ENOX1: variants seen among roughly 807,000 people sequenced by gnomAD.
ENOX1 encodes ecto-NOX disulfide-thiol exchanger 1.
ENOX1 carries 42 observed loss-of-function variants against 82.5 expected under a neutral mutation model. The observed-to-expected ratio is 0.51, with a 90% CI of 0.40 to 0.66. ENOX1 has a LOEUF of 0.66. ENOX1 is among the 30% of genes least tolerant of loss of function. The probability of loss-of-function intolerance (pLI) is 0.00; values close to 1 mark genes in which losing one functional copy is unlikely to be tolerated. For synonymous variants in ENOX1, 271 were observed against 282.2 expected, an observed-to-expected ratio of 0.96 and a Z score of 0.40; for missense variants, 608 against 811.6, an observed-to-expected ratio of 0.75 and a Z score of 3.05.
intron 1 of ENOX1, among the ~76,000 whole-genome samples, chr13:43,772,760 A>AAC (rs1473600166): frequency 6.6e-6 from 1 of 151,560 alleles, no homozygotes; most frequent in African/African-American, 2.4e-5. Context: ...AAAAAAAAAA[A>AAC]AAAAAAAAAA....
At chr13:43,304,704 T>C (rs1234083486) in intron 11 of ENOX1, among the ~76,000 whole-genome samples, 3 of 152,202 alleles carry the variant, frequency 2.0e-5, no homozygotes, top group African/African-American at 7.2e-5. Flanking sequence ...TCTTGAGGCC[T>C]GGCTGGAACC....
At chr13:43,719,302 T>TACACACACAC (rs3024232) in intron 1 of ENOX1, among the ~76,000 whole-genome samples, 4,208 of 126,698 alleles carry the variant, frequency 0.033, 95 homozygotes, top group Middle Eastern at 0.07. Context: ...TTCATTCAAA[T>TACACACACAC]ACACACACAC....
At chr13:43,555,820 C>T (rs1482709579) in intron 2 of ENOX1, among the ~76,000 whole-genome samples, 1 of 152,168 alleles carries the variant, frequency 6.6e-6, no homozygotes, top group Non-Finnish European at 1.5e-5. Context: ...AAGAACACTG[C>T]TACTCTCTGG....
intron 2 of ENOX1, among the ~76,000 whole-genome samples, chr13:43,496,776 A>C (rs1288237799): frequency 6.6e-6 from 1 of 152,130 alleles, no homozygotes. Flanking sequence ...TCATGATAAC[A>C]TATTCTGTTC....
intron 2 of ENOX1, among the ~76,000 whole-genome samples, chr13:43,582,222 A>C (rs1254145300): frequency 6.6e-6 from 1 of 152,172 alleles, no homozygotes; most frequent in Non-Finnish European, 1.5e-5. Flanking sequence ...GAAAAAAATT[A>C]ATAACATGCA....
rs890160777 is a variant in ENOX1 at position 43,453,004 on chromosome 13, A to G, written c.-75+31005T>C. On this transcript the variant is annotated intron_variant, in intron 3 of 16. Transcript: ENST00000690772. ...GTGGTATAAAGCCTGATTAAATAGAAAGAAACCTGAACTAAGCATGGGAAG... is the reference window on the plus strand; with the variant it reads ...GTGGTATAAAGCCTGATTAAATAGAGAGAAACCTGAACTAAGCATGGGAAG... Among the ~76,000 whole-genome samples the G allele has an allele frequency of 4.6e-5, 7 of 152,326 alleles. No homozygotes were observed. In the East Asian group the frequency reaches 5.8e-4, roughly 13 times the overall value.
At chr13:43,551,321 C>T (rs2079186698) in intron 2 of ENOX1, among the ~76,000 whole-genome samples, 1 of 151,990 alleles carries the variant, frequency 6.6e-6, no homozygotes, top group Non-Finnish European at 1.5e-5. Flanking sequence ...TGATGTATCA[C>T]ATCTATTGAC....
At chr13:43,333,815 G>T (rs914004129) in intron 9 of ENOX1, among the ~76,000 whole-genome samples, 1 of 152,326 alleles carries the variant, frequency 6.6e-6, no homozygotes, top group South Asian at 2.1e-4. Flanking sequence ...TAGAGACGGG[G>T]TTTCACCCCG....
rs117552553 is a variant in ENOX1 at position 43,691,123 on chromosome 13, C to T, written c.-284-23579G>A. On this transcript the variant is annotated intron_variant, in intron 1 of 16. Transcript: ENST00000690772. ...ACAAAGTCAACCCTGCCATCTCCTTCTCTTCACAAGACAATCTTGTCTCCT... is the reference window on the plus strand; with the variant it reads ...ACAAAGTCAACCCTGCCATCTCCTTTTCTTCACAAGACAATCTTGTCTCCT... Among the ~76,000 whole-genome samples, 134 of 152,306 alleles carry T rather than the reference C, an allele frequency of 8.8e-4. 1 individual carries two copies. The highest frequency in any genetic ancestry group is 1.5e-3 in the Non-Finnish European group (100 of 68,026).
chr13:43,431,365 C>T (rs558973858), intron 3 of ENOX1, among the ~76,000 whole-genome samples: 2 of 152,148 alleles, frequency 1.3e-5, no homozygotes, highest in Admixed American at 6.5e-5. Context: ...CAGGTAACTG[C>T]GCAACCACCC....
intron 1 of ENOX1, among the ~76,000 whole-genome samples, chr13:43,676,231 A>G (rs2085501452): frequency 6.6e-6 from 1 of 152,166 alleles, no homozygotes; most frequent in Non-Finnish European, 1.5e-5. Flanking sequence ...AAAAGACAAA[A>G]ACACTAGAAC....
In ENOX1 at chr13:43,638,594, AT is replaced by A. The variant is rs952850625; in HGVS notation, c.-219+28884del. Among the ~76,000 whole-genome samples the A allele has an allele frequency of 9.2e-5, 14 of 152,282 alleles. No homozygotes were observed. In the East Asian group the frequency reaches 2.3e-3, roughly 25 times the overall value. ...AAAGGTAACAGAACCAAACAGCTGG[AT>A]TTTTAAAATATCCATGTGTCTCCCA... On this transcript the variant is annotated intron_variant, in intron 2 of 16. Coordinates refer to ENST00000690772, the MANE Select transcript of ENOX1 (RefSeq NM_001347969.2).
chr13:43,533,626 A>C (rs1238192269), intron 2 of ENOX1, among the ~76,000 whole-genome samples: 1 of 152,094 alleles, frequency 6.6e-6, no homozygotes, highest in Non-Finnish European at 1.5e-5. Context: ...GATTACTTAC[A>C]CTAATTAATT....
chr13:43,362,183 ACACACACT>A (rs2050566283), intron 5 of ENOX1, among the ~76,000 whole-genome samples: 1 of 146,608 alleles, frequency 6.8e-6, no homozygotes, highest in Non-Finnish European at 1.5e-5. Flanking sequence ...ACACACACAC[ACACACACT>A]TGAAAATAGA....
chr13:43,438,171 T>C (rs2056146442), intron 3 of ENOX1, among the ~76,000 whole-genome samples: 1 of 152,286 alleles, frequency 6.6e-6, no homozygotes, highest in South Asian at 2.1e-4. Context: ...CTACAGGCAA[T>C]GGAGACCAAA....
chr13:43,586,531 G>A (rs1047169074), intron 2 of ENOX1, among the ~76,000 whole-genome samples: 4 of 152,178 alleles, frequency 2.6e-5, no homozygotes, highest in African/African-American at 7.2e-5. Flanking sequence ...CTTGAGGGCT[G>A]GGACCTCTCT....
intron 1 of ENOX1, among the ~76,000 whole-genome samples, chr13:43,733,623 T>C (rs1465591856): frequency 6.6e-6 from 1 of 152,294 alleles, no homozygotes; most frequent in South Asian, 2.1e-4. Flanking sequence ...TTTCCAAATA[T>C]ACCCTGTTCA....
chr13:43,483,233 C>T (rs1162523443), intron 3 of ENOX1, among the ~76,000 whole-genome samples: 1 of 152,166 alleles, frequency 6.6e-6, no homozygotes, highest in Non-Finnish European at 1.5e-5. Context: ...TGTACCAAGC[C>T]TTATCCTATA....
chr13:43,453,870 G>C (rs961653249), intron 3 of ENOX1, among the ~76,000 whole-genome samples: 3 of 152,200 alleles, frequency 2.0e-5, no homozygotes, highest in Non-Finnish European at 4.4e-5. Flanking sequence ...GAAACATGAA[G>C]TAGCTCTGTT....
Sources: allele counts gnomAD v4.1 joint callset (sites outside exome capture counted in the v4.1 genomes callset), GRCh38; gene constraint gnomAD v4.1.1; transcripts MANE v1.5; gene names NCBI Gene and HGNC (gene_info 2026-07-23, HGNC 2026-07-21).